Variants in METAP2 observed in about 807,000 individuals in gnomAD.
The protein encoded by METAP2 is methionine aminopeptidase 2.
A neutral mutation model predicts 59.4 loss-of-function variants in METAP2; 25 were observed. That is an observed-to-expected ratio of 0.42 (90% CI 0.31 to 0.59). METAP2 has a LOEUF of 0.59. Among genes scored for constraint, METAP2 ranks in the 20% least tolerant of loss-of-function variants. METAP2 has a pLI of 0.16. For missense variants in METAP2, 366 were observed against 581.2 expected, an observed-to-expected ratio of 0.63 and a Z score of 3.81; for synonymous variants, 214 against 194.1, an observed-to-expected ratio of 1.10 and a Z score of -0.85.
intron 3 of METAP2, 30 bp downstream of exon 3, chr12:95,483,310 A>G: frequency 6.5e-7 from 1 of 1,539,916 alleles, no homozygotes; most frequent in South Asian, 1.1e-5. Context: ...GTTAATTGAT[A>G]TATTAGAAGT....
chr12:95,510,197 C>CA (rs2076392427), intron 8 of METAP2, among the ~76,000 whole-genome samples: 1 of 152,072 alleles, frequency 6.6e-6, no homozygotes, highest in Non-Finnish European at 1.5e-5. Flanking sequence ...CATAAAAACT[C>CA]AGCTTCTCAA....
At chr12:95,508,545 T>G (rs2076378980) in intron 8 of METAP2, among the ~76,000 whole-genome samples, 1 of 152,250 alleles carries the variant, frequency 6.6e-6, no homozygotes, top group South Asian at 2.1e-4. Flanking sequence ...GTACACACTG[T>G]AGCAGTCTGC....
At chr12:95,495,396 C>T (rs1213085821) in intron 6 of METAP2, among the ~76,000 whole-genome samples, 1 of 151,986 alleles carries the variant, frequency 6.6e-6, no homozygotes, top group African/African-American at 2.4e-5. Flanking sequence ...GTTTATTACC[C>T]TTTGTATCAA....
At chr12:95,478,626 C>G (rs2076137779) in intron 2 of METAP2, among the ~76,000 whole-genome samples, 1 of 152,020 alleles carries the variant, frequency 6.6e-6, no homozygotes, top group Non-Finnish European at 1.5e-5. Context: ...AAGTGAAACT[C>G]TGTCTCAAAA....
chr12:95,500,838 T>A (rs2076309760), intron 7 of METAP2, among the ~76,000 whole-genome samples: 1 of 152,172 alleles, frequency 6.6e-6, no homozygotes, highest in South Asian at 2.1e-4. Flanking sequence ...ATAGTTTTCT[T>A]ATAGTGTCTT....
chr12:95,488,501 T>C (rs1047328716), intron 4 of METAP2, among the ~76,000 whole-genome samples: 13 of 124,228 alleles, frequency 1.0e-4, no homozygotes, highest in African/African-American at 4.5e-4. Context: ...AGAGCGAGAC[T>C]TTGTCTCACC....
At position 95,504,054 on chromosome 12, in the gene METAP2, T is replaced by C. The variant is rs1207018741; in HGVS notation, c.868-11T>C. The C allele has an allele frequency of 8.7e-6, 14 of 1,601,894 alleles. No homozygotes were observed. Among genetic ancestry groups the C allele is most frequent in the Non-Finnish European group, 1.2e-5 (14 of 1,174,732 alleles). On this transcript the variant is annotated splice_polypyrimidine_tract_variant and intron_variant, in intron 7 of 10. Coordinates refer to ENST00000323666, the MANE Select transcript of METAP2 (RefSeq NM_006838.4). Reference sequence around the variant, plus strand: ...CTTTGAATAATAAAGCATATGTTACTCTTTTTTTAGTGTGCTGGAATTGAT... The same window carrying C: ...CTTTGAATAATAAAGCATATGTTACCCTTTTTTTAGTGTGCTGGAATTGAT...
intron 1 of METAP2, among the ~76,000 whole-genome samples, chr12:95,475,704 G>T (rs528124033): frequency 7.0e-4 from 107 of 152,280 alleles, no homozygotes; most frequent in Non-Finnish European, 8.1e-4. Context: ...CCGGGGTGTT[G>T]CACATGAATC....
intron 3 of METAP2, chr12:95,484,675 G>A (rs1180406799): frequency 3.1e-6 from 1 of 319,962 alleles, no homozygotes; most frequent in African/African-American, 2.2e-5. Flanking sequence ...GGATGTTGTT[G>A]AATGTACTGT....
At chr12:95,478,521 A>G (rs777869373) in intron 2 of METAP2, among the ~76,000 whole-genome samples, 27 of 151,938 alleles carry the variant, frequency 1.8e-4, no homozygotes, top group Non-Finnish European at 3.7e-4. Flanking sequence ...AATCCCAGCT[A>G]CTCGGGAGGC....
At chr12:95,480,650 T>G (rs2140139335) in intron 2 of METAP2, among the ~76,000 whole-genome samples, 1 of 152,384 alleles carries the variant, frequency 6.6e-6, no homozygotes. Flanking sequence ...GCTTTTTCCT[T>G]TATCTTTGGT....
chr12:95,512,450 T>C (rs1390032495), intron 9 of METAP2, among the ~76,000 whole-genome samples: 1 of 152,144 alleles, frequency 6.6e-6, no homozygotes, highest in African/African-American at 2.4e-5. Context: ...CTCAGGCCTG[T>C]TAATCCCAGC....
Position 95,483,299 on chromosome 12 carries a change from T to C in METAP2, c.325+19T>C. The C allele has an allele frequency of 6.4e-7, 1 of 1,569,738 alleles. No homozygotes were observed. Among genetic ancestry groups the C allele is most frequent in the African/African-American group, 1.4e-5 (1 of 73,954 alleles). On this transcript the variant is annotated intron_variant, in intron 3 of 10. Coordinates refer to ENST00000323666, the MANE Select transcript of METAP2 (RefSeq NM_006838.4). The stretch of plus-strand genomic sequence containing the variant: ...AGAGGACGTTAGTGTCTTAAGTTAA[T>C]GTTAATTGATATATTAGAAGTGTTT...
intron 2 of METAP2, among the ~76,000 whole-genome samples, chr12:95,476,539 A>AGAGAGAGAGAGAGAGAGAGAGAGACAGAC (rs773224806): frequency 6.7e-6 from 1 of 148,782 alleles, no homozygotes; most frequent in Non-Finnish European, 1.5e-5. Flanking sequence ...AGAAAGAAAG[A>AGAGAGAGAGAGAGAGAGAGAGAGACAGAC]AAAGCTAGAA....
At position 95,489,709 on chromosome 12, in the gene METAP2, A is replaced by G. The variant is rs1371124865; in HGVS notation, c.428+3728A>G. 2.0e-5 allele frequency among the ~76,000 whole-genome samples: 3 copies of G among 152,204 alleles called. No individual in the cohort carries two copies. The East Asian group carries it at 5.8e-4, about 29-fold the overall frequency. On this transcript the variant is annotated intron_variant, in intron 4 of 10. Transcript: ENST00000323666. ...CAAAATTAGTCGGGCATGGTGGCGC[A>G]TGCCTGTAATCCCAGCTACTTGGGA...
In METAP2 at chr12:95,496,253, C is replaced by T. The variant is rs146038796; in HGVS notation, c.867+155C>T. ...GATCCATTTCCCTTATGGTTTTAAGCGGGTAAGTGTATGATTGTGTACCAA... is the reference window on the plus strand; with the variant it reads ...GATCCATTTCCCTTATGGTTTTAAGTGGGTAAGTGTATGATTGTGTACCAA... On this transcript the variant is annotated intron_variant, in intron 7 of 10. Coordinates refer to ENST00000323666, the MANE Select transcript of METAP2 (RefSeq NM_006838.4). 5.2e-4 allele frequency among the ~76,000 whole-genome samples: 79 copies of T among 152,094 alleles called. 1 individual carries two copies. Among genetic ancestry groups the T allele is most frequent in the East Asian group, 3.9e-3 (20 of 5,182 alleles).
At chr12:95,475,555 A>G (rs936076166) in intron 1 of METAP2, among the ~76,000 whole-genome samples, 50 of 152,214 alleles carry the variant, frequency 3.3e-4, no homozygotes, top group Admixed American at 3.1e-3. Context: ...GGTAGGTTAT[A>G]ATCACTTCCA....
rs748195097 is a variant in METAP2 at position 95,494,203 on chromosome 12, A to C, written c.576A>C (p.Thr192=). The C allele has an allele frequency of 6.2e-6, 10 of 1,613,130 alleles. No homozygotes were observed. The highest frequency in any genetic ancestry group is 8.5e-6 in the Non-Finnish European group (10 of 1,179,528). The change falls in exon 5 of 11, where the codon ACA becomes ACC. Residue 192 remains threonine, a synonymous_variant. Coordinates refer to ENST00000323666, the MANE Select transcript of METAP2 (RefSeq NM_006838.4). ...YVMSWIKPGM[T]MIEICEKLED... is the part of the protein sequence containing the mutation. The stretch of plus-strand genomic sequence containing the variant: ...TGAGCTGGATCAAGCCTGGGATGAC[A>C]ATGATAGAAATCTGGTAAAAGGAAT...
chr12:95,479,610 A>G (rs1030035630), intron 2 of METAP2, among the ~76,000 whole-genome samples: 2 of 144,784 alleles, frequency 1.4e-5, no homozygotes, highest in African/African-American at 2.5e-5. Flanking sequence ...AATAGTCACC[A>G]CTCTTTTTTT....
Sources: gnomAD v4.1 joint callset for allele counts (sites outside exome capture counted in the v4.1 genomes callset) on GRCh38, gnomAD v4.1.1 for gene constraint, MANE v1.5 for transcripts, NCBI Gene and HGNC (gene_info 2026-07-23, HGNC 2026-07-21) for gene names.